SGCZ: variants seen among roughly 807,000 people sequenced by gnomAD.
SGCZ encodes sarcoglycan zeta.
A neutral mutation model predicts 41.3 loss-of-function variants in SGCZ; 40 were observed. The ratio of observed to expected loss-of-function variants is 0.97; its 90% confidence interval spans 0.75 to 1.26. The LOEUF is 1.26. Among genes scored for constraint, SGCZ ranks in the 50% most tolerant of loss-of-function variants. The pLI is 0.00. For synonymous variants in SGCZ, 206 were observed against 137.5 expected (o/e 1.50, Z -3.49); for missense variants, 552 against 369.8 (o/e 1.49, Z -4.04).
chr8:15,056,449 TG>T (rs1284423254), intron 1 of SGCZ, among the ~76,000 whole-genome samples: 1 of 152,084 alleles, frequency 6.6e-6, no homozygotes, highest in African/African-American at 2.4e-5. Flanking sequence ...CCAGGCCCAT[TG>T]TAAGTTGAAC....
At chr8:14,111,116 A>C (rs10503487) in intron 5 of SGCZ, among the ~76,000 whole-genome samples, 17,877 of 152,092 alleles carry the variant, frequency 0.12, 1,126 homozygotes, top group African/African-American at 0.16. Context: ...AAGAATTGAA[A>C]ATTTTTACCA....
chr8:15,097,855 T>TATAC (rs1180191488), intron 1 of SGCZ, among the ~76,000 whole-genome samples: 1,165 of 9,510 alleles, frequency 0.12, 58 homozygotes, highest in East Asian at 0.45. Flanking sequence ...TATATATATA[T>TATAC]ACGTGTGTGT....
intron 3 of SGCZ, among the ~76,000 whole-genome samples, chr8:14,280,822 C>A (rs1800404028): frequency 6.8e-6 from 1 of 147,214 alleles, no homozygotes; most frequent in Admixed American, 6.8e-5. Flanking sequence ...TTTTAATGGA[C>A]TTATATGAAA....
chr8:14,939,708 A>G (rs1800205402), intron 1 of SGCZ, among the ~76,000 whole-genome samples: 1 of 152,134 alleles, frequency 6.6e-6, no homozygotes, highest in East Asian at 1.9e-4. Flanking sequence ...CAGTCCACAG[A>G]TACATTTGAT....
chr8:14,251,452 A>C (rs1799282933), intron 3 of SGCZ, among the ~76,000 whole-genome samples: 1 of 152,134 alleles, frequency 6.6e-6, no homozygotes, highest in Non-Finnish European at 1.5e-5. Context: ...CTGCTGTTGT[A>C]GGTCAAAAGG....
intron 1 of SGCZ, among the ~76,000 whole-genome samples, chr8:15,129,226 C>T (rs184615720): frequency 2.6e-5 from 4 of 152,224 alleles, no homozygotes; most frequent in African/African-American, 9.6e-5. Context: ...GTTTTTGTCT[C>T]GCACTACCCC....
chr8:15,231,505 T>C (rs1276911619), intron 1 of SGCZ, among the ~76,000 whole-genome samples: 1 of 151,826 alleles, frequency 6.6e-6, no homozygotes, highest in African/African-American at 2.4e-5. Flanking sequence ...CATAGAAGTC[T>C]CTCATCAGTT....
chr8:14,198,391 A>G (rs149075998), intron 4 of SGCZ, among the ~76,000 whole-genome samples: 165 of 152,310 alleles, frequency 1.1e-3, no homozygotes, highest in African/African-American at 3.6e-3. Context: ...GAGAGGTGTT[A>G]AAGTGCTTAT....
chr8:15,171,778 G>A (rs1043590984), intron 1 of SGCZ, among the ~76,000 whole-genome samples: 4 of 152,148 alleles, frequency 2.6e-5, no homozygotes, highest in Admixed American at 2.0e-4. Flanking sequence ...GTGTCGAATA[G>A]TACATCTCGG....
intron 2 of SGCZ, among the ~76,000 whole-genome samples, chr8:14,442,815 AT>A (rs1307154960): frequency 6.6e-6 from 1 of 152,124 alleles, no homozygotes; most frequent in Non-Finnish European, 1.5e-5. Flanking sequence ...GTTGTTAATT[AT>A]TTTTTGTATC....
chr8:14,337,748 G>A (rs1407687299), intron 2 of SGCZ, among the ~76,000 whole-genome samples: 1 of 152,138 alleles, frequency 6.6e-6, no homozygotes, highest in Non-Finnish European at 1.5e-5. Context: ...GGGTGAGAAT[G>A]ATACAAGAAT....
intron 1 of SGCZ, among the ~76,000 whole-genome samples, chr8:15,006,947 A>G (rs1423242407): frequency 6.6e-6 from 1 of 152,220 alleles, no homozygotes; most frequent in Non-Finnish European, 1.5e-5. Flanking sequence ...GTGCTGTGCC[A>G]TGCATTTGAA....
chr8:15,006,193 T>A (rs1387954502), intron 1 of SGCZ, among the ~76,000 whole-genome samples: 1 of 152,194 alleles, frequency 6.6e-6, no homozygotes, highest in East Asian at 1.9e-4. Flanking sequence ...CGTGGAAGAA[T>A]ACCCTAAAAA....
chr8:14,538,707 C>T (rs758482498), intron 2 of SGCZ, among the ~76,000 whole-genome samples: 11 of 151,814 alleles, frequency 7.2e-5, no homozygotes, highest in Non-Finnish European at 1.3e-4. Flanking sequence ...AAAATCTTGG[C>T]TATTGAGTGG....
intron 1 of SGCZ, among the ~76,000 whole-genome samples, chr8:14,771,540 T>C (rs1800238819): frequency 6.6e-6 from 1 of 152,138 alleles, no homozygotes; most frequent in Non-Finnish European, 1.5e-5. Flanking sequence ...ATCTAGGTTA[T>C]TTTTTAACTT....
intron 1 of SGCZ, among the ~76,000 whole-genome samples, chr8:14,672,991 G>A (rs1808152886): frequency 1.3e-5 from 2 of 152,174 alleles, no homozygotes; most frequent in Admixed American, 6.5e-5. Flanking sequence ...TGTGTTTCAA[G>A]CAAAAGTAAT....
chr8:14,467,299 T>C (rs1461516787), intron 2 of SGCZ, among the ~76,000 whole-genome samples: 1 of 152,070 alleles, frequency 6.6e-6, no homozygotes, highest in Non-Finnish European at 1.5e-5. Context: ...CTGGCCCTTT[T>C]AATTCCGTGA....
chr8:14,243,041 T>C (rs1585270655), intron 3 of SGCZ, among the ~76,000 whole-genome samples: 2 of 152,346 alleles, frequency 1.3e-5, no homozygotes, highest in East Asian at 1.9e-4. Context: ...CATGACCTTG[T>C]TTGTCTTGTT....
intron 1 of SGCZ, among the ~76,000 whole-genome samples, chr8:14,996,259 T>C (rs1036853593): frequency 1.3e-5 from 2 of 152,180 alleles, no homozygotes; most frequent in African/African-American, 2.4e-5. Flanking sequence ...TATATAAAAA[T>C]GCAGCATTCT....
Sources: gnomAD v4.1 joint callset for allele counts (sites outside exome capture counted in the v4.1 genomes callset) on GRCh38, gnomAD v4.1.1 for gene constraint, MANE v1.5 for transcripts, NCBI Gene and HGNC (gene_info 2026-07-23, HGNC 2026-07-21) for gene names.